XIRP2: variants seen among roughly 807,000 people sequenced by gnomAD.
The protein encoded by XIRP2 is xin actin-binding repeat-containing protein 2.
Under a neutral mutation model 277.0 loss-of-function variants are expected in XIRP2, and 236 were observed. That is an observed-to-expected ratio of 0.85 (90% CI 0.77 to 0.95). The LOEUF (loss-of-function observed/expected upper bound fraction) is 0.95. XIRP2 is among the 40% of genes least tolerant of loss of function. The pLI, the probability that XIRP2 is intolerant of heterozygous loss-of-function variation, is 0.00. For missense variants in XIRP2, 4,640 were observed against 4,157.5 expected, an observed-to-expected ratio of 1.12 and a Z score of -3.19; for synonymous variants, 1,490 against 1,416.5, an observed-to-expected ratio of 1.05 and a Z score of -1.17.
intron 2 of XIRP2, among the ~76,000 whole-genome samples, chr2:166,942,782 T>A (rs546467827): frequency 7.2e-5 from 11 of 152,298 alleles, no homozygotes; most frequent in South Asian, 2.1e-4. Flanking sequence ...GGTTTTTTTT[T>A]AAATACAAAA....
intron 2 of XIRP2, among the ~76,000 whole-genome samples, chr2:167,022,784 C>A (rs1042156023): frequency 7.9e-5 from 12 of 152,136 alleles, no homozygotes; most frequent in East Asian, 3.9e-4. Context: ...TGAACTCATC[C>A]TTTTTTATGG....
At chr2:167,221,909 T>G (rs1380766714) in intron 5 of XIRP2, among the ~76,000 whole-genome samples, 2 of 152,234 alleles carry the variant, frequency 1.3e-5, no homozygotes, top group Non-Finnish European at 2.9e-5. Flanking sequence ...TGACAATATT[T>G]AATGCCACAA....
intron 3 of XIRP2, among the ~76,000 whole-genome samples, chr2:167,177,774 T>C (rs1165677902): frequency 6.6e-6 from 1 of 152,170 alleles, no homozygotes; most frequent in Non-Finnish European, 1.5e-5. Context: ...TGGCAATAAC[T>C]GTAATTTAGC....
chr2:167,151,214 G>A (rs1415998478), intron 3 of XIRP2, among the ~76,000 whole-genome samples: 2 of 152,076 alleles, frequency 1.3e-5, no homozygotes, highest in Non-Finnish European at 2.9e-5. Context: ...CATTCCATCA[G>A]CCTTATAGGA....
chr2:167,086,372 C>A lies in XIRP2; in HGVS notation c.409-49537C>A, dbSNP rs1474995277. 1.5e-4 allele frequency among the ~76,000 whole-genome samples: 23 copies of A among 152,238 alleles called. 1 individual carries two copies. The South Asian group carries it at 2.3e-3, about 15-fold the overall frequency. ...CCAACCTTTCTCTCTGGCTGCCCTT[C>A]ACATTTTTTCCTTCATTTCGACTTT... is the stretch of plus-strand genomic sequence containing the variant. On this transcript the variant is annotated intron_variant, in intron 2 of 10. Transcript: ENST00000409195.
rs570678947 is a variant in XIRP2 at position 166,908,148 on chromosome 2, T to A, written c.408+4258T>A. Among the ~76,000 whole-genome samples, 8 of 152,268 alleles carry A rather than the reference T, an allele frequency of 5.3e-5. No homozygotes were observed. In the South Asian group the frequency reaches 1.7e-3, roughly 32 times the overall value. ...TATACCCAATAATGGGATGGCTGGG[T>A]TAAATGGTATGTCTACTTCTAGATC... On this transcript the variant is annotated intron_variant, in intron 2 of 10. Coordinates refer to ENST00000409195, the MANE Select transcript of XIRP2 (RefSeq NM_152381.6).
intron 2 of XIRP2, among the ~76,000 whole-genome samples, chr2:167,119,477 A>G (rs1690992204): frequency 6.6e-6 from 1 of 152,168 alleles, no homozygotes; most frequent in Admixed American, 6.6e-5. Flanking sequence ...TGCAAGTTCA[A>G]CACTTAAATA....
At chr2:167,107,351 G>A (rs980374688) in intron 2 of XIRP2, among the ~76,000 whole-genome samples, 1 of 151,764 alleles carries the variant, frequency 6.6e-6, no homozygotes, top group African/African-American at 2.4e-5. Flanking sequence ...TTTCAGAGAT[G>A]CTTTTGTCAA....
intron 4 of XIRP2, among the ~76,000 whole-genome samples, chr2:167,212,253 A>G (rs1452104750): frequency 6.6e-6 from 1 of 152,184 alleles, no homozygotes; most frequent in East Asian, 1.9e-4. Flanking sequence ...GGCACCCCCT[A>G]CTGGATCATT....
chr2:167,001,519 T>C (rs1687370315), intron 2 of XIRP2, among the ~76,000 whole-genome samples: 1 of 152,144 alleles, frequency 6.6e-6, no homozygotes, highest in African/African-American at 2.4e-5. Flanking sequence ...TAAAATAAAC[T>C]ATGAAACCAG....
intron 6 of XIRP2, 107 bp from the exon 7 acceptor site, chr2:167,240,557 A>G: frequency 1.1e-6 from 1 of 910,982 alleles, no homozygotes; most frequent in South Asian, 1.4e-5. Context: ...CTCAATGTAC[A>G]CTAAAGTCTT....
intron 2 of XIRP2, among the ~76,000 whole-genome samples, chr2:167,045,486 A>T (rs1364315908): frequency 1.3e-5 from 2 of 152,144 alleles, no homozygotes; most frequent in African/African-American, 4.8e-5. Context: ...ATGGGAGAAA[A>T]TATTTGCAAC....
At chr2:167,041,697 G>A (rs1447631649) in intron 2 of XIRP2, among the ~76,000 whole-genome samples, 1 of 152,086 alleles carries the variant, frequency 6.6e-6, no homozygotes, top group Admixed American at 6.5e-5. Context: ...CCAAACCTAT[G>A]ATTCTTTGGA....
intron 2 of XIRP2, among the ~76,000 whole-genome samples, chr2:167,025,073 C>T (rs1025974876): frequency 6.6e-6 from 1 of 152,012 alleles, no homozygotes; most frequent in Non-Finnish European, 1.5e-5. Flanking sequence ...GGCTGTGAAT[C>T]CATCTGGTCC....
At chr2:167,081,900 A>G (rs1410215813) in intron 2 of XIRP2, among the ~76,000 whole-genome samples, 1 of 152,156 alleles carries the variant, frequency 6.6e-6, no homozygotes, top group African/African-American at 2.4e-5. Flanking sequence ...ATAGAAGGCT[A>G]GAAGTAGTAG....
intron 3 of XIRP2, among the ~76,000 whole-genome samples, chr2:167,172,931 C>G (rs963806119): frequency 6.6e-6 from 1 of 152,128 alleles, no homozygotes; most frequent in African/African-American, 2.4e-5. Context: ...GAAATCTTCA[C>G]AATTTATGTT....
chr2:167,160,588 A>G (rs1203634429), intron 3 of XIRP2, among the ~76,000 whole-genome samples: 1 of 152,118 alleles, frequency 6.6e-6, no homozygotes, highest in Non-Finnish European at 1.5e-5. Flanking sequence ...CCTTTTTAAA[A>G]CCATCAGATC....
chr2:166,953,484 A>G (rs2105398593), intron 2 of XIRP2, among the ~76,000 whole-genome samples: 1 of 152,072 alleles, frequency 6.6e-6, no homozygotes, highest in Admixed American at 6.6e-5. Flanking sequence ...GTATGTCTTC[A>G]TAAGCAGCAT....
chr2:167,150,727 C>T (rs1045832692), intron 3 of XIRP2, among the ~76,000 whole-genome samples: 2 of 152,020 alleles, frequency 1.3e-5, no homozygotes, highest in African/African-American at 4.8e-5. Context: ...AGAAATTGGG[C>T]AACTTTTTGA....
Sources: gnomAD v4.1 joint callset for allele counts (sites outside exome capture counted in the v4.1 genomes callset) on GRCh38, gnomAD v4.1.1 for gene constraint, MANE v1.5 for transcripts, NCBI Gene and HGNC (gene_info 2026-07-23, HGNC 2026-07-21) for gene names.